MTM1: variants seen among roughly 807,000 people sequenced by gnomAD.
MTM1 encodes myotubularin.
Under a neutral mutation model 52.1 loss-of-function variants are expected in MTM1, and 9 were observed. The observed-to-expected ratio is 0.17, with a 90% CI of 0.10 to 0.30. The LOEUF is 0.30. Among genes scored for constraint, MTM1 ranks in the 10% least tolerant of loss-of-function variants. The pLI is 1.00. For missense variants in MTM1, 277 were observed against 470.7 expected, an observed-to-expected ratio of 0.59 and a Z score of 3.81; for synonymous variants, 136 against 163.8, an observed-to-expected ratio of 0.83 and a Z score of 1.29.
In MTM1 at chrX:150,651,156, T is replaced by A. The variant is rs1369703899; in HGVS notation, c.1053+1255T>A. Reference sequence around the variant, plus strand: ...TTAAAGTCTTATACCATTTTCCCATTCACAAGGTCTAACATAAAAACCAAA... The same window carrying A: ...TTAAAGTCTTATACCATTTTCCCATACACAAGGTCTAACATAAAAACCAAA... On this transcript the variant is annotated intron_variant, in intron 10 of 14. Coordinates refer to ENST00000370396, the MANE Select transcript of MTM1 (RefSeq NM_000252.3). Among the ~76,000 whole-genome samples the A allele has an allele frequency of 2.7e-5, 3 of 112,259 alleles. No homozygotes were observed. In the Admixed American group the frequency reaches 2.8e-4, roughly 11 times the overall value.
chrX:150,611,332 T>C (rs1557412980), intron 4 of MTM1, among the ~76,000 whole-genome samples: 1 of 112,488 alleles, frequency 8.9e-6, no homozygotes, highest in Non-Finnish European at 1.9e-5. Flanking sequence ...TCATTTTCTG[T>C]AATCATCTCT....
At chrX:150,585,358 A>G (rs1265393027) in intron 1 of MTM1, among the ~76,000 whole-genome samples, 2 of 111,462 alleles carry the variant, frequency 1.8e-5, no homozygotes, top group African/African-American at 6.5e-5. Context: ...TTCATCAGTA[A>G]TGCCCAATGC....
In MTM1 at chrX:150,610,925, A is replaced by G. The variant is rs782485811; in HGVS notation, c.232-3664A>G. On this transcript the variant is annotated intron_variant, in intron 4 of 14. Transcript: ENST00000370396. ...TCTATTCTGTGTATTTTATGTATAA[A>G]TTTGACATTTAAGAATACAGTTCAC... Among the ~76,000 whole-genome samples the G allele has an allele frequency of 2.7e-5, 3 of 112,391 alleles. No individual in the cohort carries two copies. The South Asian group carries it at 1.1e-3, about 41-fold the overall frequency.
chrX:150,572,688 G>A (rs1237883821), intron 1 of MTM1, among the ~76,000 whole-genome samples: 1 of 112,055 alleles, frequency 8.9e-6, no homozygotes, highest in Non-Finnish European at 1.9e-5. Context: ...AGACCTGACC[G>A]CAGCTCCTGA....
At chrX:150,652,656 T>TACACAC (rs1265035126) in intron 10 of MTM1, among the ~76,000 whole-genome samples, 100 of 44,141 alleles carry the variant, frequency 2.3e-3, no homozygotes, top group African/African-American at 6.8e-3. Flanking sequence ...TGTATATATA[T>TACACAC]ATACACACAC....
intron 1 of MTM1, among the ~76,000 whole-genome samples, chrX:150,583,781 TA>T (rs1380098326): frequency 2.0e-5 from 1 of 49,102 alleles, no homozygotes; most frequent in Non-Finnish European, 3.4e-5. Context: ...ATTTAATATA[TA>T]AAATATATAT....
the MTM1 span, among the ~76,000 whole-genome samples, chrX:150,562,880 C>G: frequency 9.0e-6 from 1 of 111,277 alleles, no homozygotes; most frequent in South Asian, 3.8e-4. Context: ...CTTTCACGGT[C>G]TCCTGGAGCC....
intron 4 of MTM1, among the ~76,000 whole-genome samples, chrX:150,611,063 C>T (rs782378763): frequency 1.2e-4 from 13 of 111,724 alleles, no homozygotes; most frequent in Admixed American, 3.8e-4. Flanking sequence ...TGCTTATATA[C>T]GTACACTGTT....
At chrX:150,655,530 A>G (rs782101766) in intron 10 of MTM1, among the ~76,000 whole-genome samples, 10 of 111,767 alleles carry the variant, frequency 8.9e-5, no homozygotes, top group Admixed American at 1.9e-4. Context: ...AACGTGGTCT[A>G]TCTATATACA....
At chrX:150,642,176 A>AT (rs1309054352) in intron 8 of MTM1, among the ~76,000 whole-genome samples, 4 of 110,773 alleles carry the variant, frequency 3.6e-5, no homozygotes, top group Non-Finnish European at 5.7e-5. Context: ...AAGTCTAGAC[A>AT]TTTTTTTTCC....
intron 2 of MTM1, among the ~76,000 whole-genome samples, chrX:150,595,008 T>C (rs1557412574): frequency 9.7e-6 from 1 of 103,430 alleles, no homozygotes; most frequent in South Asian, 4.7e-4. Context: ...CTAGAAAATT[T>C]TTTAAATTGG....
rs149072644 is a variant in MTM1 at position 150,611,828 on chromosome X, G to C, written c.232-2761G>C. Among the ~76,000 whole-genome samples, 572 of 111,704 alleles carry C rather than the reference G, an allele frequency of 5.1e-3. 3 individuals are homozygous for C. The highest frequency in any genetic ancestry group is 0.016 in the African/African-American group (506 of 30,755). ...TCAACCTCTGCAACCACTTCTCTGGGTTCCCTCTCTACAATTTTGTCATTT... is the reference window on the plus strand; with the variant it reads ...TCAACCTCTGCAACCACTTCTCTGGCTTCCCTCTCTACAATTTTGTCATTT... On this transcript the variant is annotated intron_variant, in intron 4 of 14. Transcript: ENST00000370396.
intron 4 of MTM1, among the ~76,000 whole-genome samples, chrX:150,602,613 A>C (rs2039085821): frequency 8.9e-6 from 1 of 112,022 alleles, no homozygotes. Context: ...GGATTTGAGA[A>C]ATCCCATAGC....
intron 6 of MTM1, among the ~76,000 whole-genome samples, chrX:150,622,194 C>CAA (rs10717650): frequency 1.5e-5 from 1 of 68,033 alleles, no homozygotes; most frequent in Non-Finnish European, 2.8e-5. Context: ...AAGAAACTGC[C>CAA]AAAAAAAAAA....
chrX:150,656,127 T>C (rs1557414405), intron 10 of MTM1, among the ~76,000 whole-genome samples: 1 of 108,553 alleles, frequency 9.2e-6, no homozygotes, highest in Non-Finnish European at 1.9e-5. Flanking sequence ...GGGTCAGTGA[T>C]TTTTTTTTTA....
intron 1 of MTM1, among the ~76,000 whole-genome samples, chrX:150,585,225 G>C (rs1336621222): frequency 9.0e-6 from 1 of 111,650 alleles, no homozygotes; most frequent in African/African-American, 3.3e-5. Flanking sequence ...TAGAGGAATT[G>C]TTTCAAATGG....
At chrX:150,661,023 G>GT (rs2040211746) in intron 13 of MTM1, among the ~76,000 whole-genome samples, 1 of 110,928 alleles carries the variant, frequency 9.0e-6, no homozygotes, top group Non-Finnish European at 1.9e-5. Flanking sequence ...TTGTTTGTTT[G>GT]TTGTTGTTGT....
chrX:150,634,179 A>T (rs2039717870), intron 6 of MTM1, among the ~76,000 whole-genome samples: 1 of 112,653 alleles, frequency 8.9e-6, no homozygotes, highest in African/African-American at 3.2e-5. Context: ...ATTTGAAAAC[A>T]CTTTTAAATG....
At chrX:150,604,841 TGTTCACG>T (rs1433037588) in intron 4 of MTM1, among the ~76,000 whole-genome samples, 10 of 110,886 alleles carry the variant, frequency 9.0e-5, no homozygotes, top group Non-Finnish European at 1.3e-4. Flanking sequence ...CCTAGCCAGG[TGTTCACG>T]GTCCTCACCA....
Sources: gnomAD v4.1 joint callset for allele counts (sites outside exome capture counted in the v4.1 genomes callset) on GRCh38, gnomAD v4.1.1 for gene constraint, MANE v1.5 for transcripts, NCBI Gene and HGNC (gene_info 2026-07-23, HGNC 2026-07-21) for gene names.